The following MAN1A1 variants were observed in gnomAD, a reference collection of about 807,000 sequenced individuals.
MAN1A1 encodes the protein mannosidase alpha class 1A member 1.
In MAN1A1, 29 loss-of-function variants were observed where a neutral mutation model predicts 70.8. The observed-to-expected ratio is 0.41, with a 90% CI of 0.31 to 0.56. The LOEUF is 0.56. MAN1A1 is among the 20% of genes least tolerant of loss of function. The pLI is 0.29. For missense variants in MAN1A1, 747 were observed against 841.3 expected (o/e 0.89, Z 1.39); for synonymous variants, 349 against 330.1 (o/e 1.06, Z -0.62).
At chr6:119,213,764 C>T (rs1053064424) in intron 6 of MAN1A1, among the ~76,000 whole-genome samples, 6 of 152,124 alleles carry the variant, frequency 3.9e-5, no homozygotes, top group East Asian at 1.9e-4. Flanking sequence ...AATAAGGCAG[C>T]GACAAATCCA....
upstream of MAN1A1, among the ~76,000 whole-genome samples, chr6:119,350,002 G>A (rs1773864894): frequency 6.6e-6 from 1 of 152,128 alleles, no homozygotes; most frequent in Admixed American, 6.5e-5. Flanking sequence ...TGAGGAGGAC[G>A]GTCGAACCCG....
chr6:119,304,321 G>C (rs905740645), intron 3 of MAN1A1, among the ~76,000 whole-genome samples: 1 of 152,160 alleles, frequency 6.6e-6, no homozygotes, highest in African/African-American at 2.4e-5. Context: ...GATTCAGAGA[G>C]ACACTGGAGG....
chr6:119,196,328 A>T (rs963871380), intron 8 of MAN1A1, among the ~76,000 whole-genome samples: 1 of 148,290 alleles, frequency 6.7e-6, no homozygotes, highest in African/African-American at 2.5e-5. Context: ...TTCACATTAA[A>T]AAAAAAAAAA....
At chr6:119,257,107 T>C (rs903855495) in intron 5 of MAN1A1, among the ~76,000 whole-genome samples, 2 of 152,160 alleles carry the variant, frequency 1.3e-5, no homozygotes, top group Non-Finnish European at 1.5e-5. Flanking sequence ...GATGCAGGTA[T>C]GTACTTATTT....
At chr6:119,298,418 T>C (rs1231798451) in intron 4 of MAN1A1, among the ~76,000 whole-genome samples, 2 of 152,176 alleles carry the variant, frequency 1.3e-5, no homozygotes, top group Non-Finnish European at 2.9e-5. Context: ...TATAAACCAA[T>C]ACAAAACATT....
intron 2 of MAN1A1, among the ~76,000 whole-genome samples, chr6:119,338,086 T>C (rs1170162035): frequency 7.6e-6 from 1 of 131,272 alleles, no homozygotes; most frequent in African/African-American, 2.8e-5. Flanking sequence ...AAAAAAAAAG[T>C]CTCCAAAAAT....
chr6:119,300,728 A>G (rs887594002), intron 4 of MAN1A1, among the ~76,000 whole-genome samples: 83 of 152,236 alleles, frequency 5.5e-4, no homozygotes, highest in African/African-American at 2.0e-3. Context: ...TCATGTTTAA[A>G]ATAGAAGGGT....
intron 5 of MAN1A1, among the ~76,000 whole-genome samples, chr6:119,272,028 A>G (rs1775939137): frequency 6.6e-6 from 1 of 152,234 alleles, no homozygotes; most frequent in Non-Finnish European, 1.5e-5. Context: ...TCACATCTAT[A>G]GATTCCATGA....
chr6:119,210,768 T>C (rs1024071692), intron 6 of MAN1A1: 8 of 216,622 alleles, frequency 3.7e-5, no homozygotes, highest in Non-Finnish European at 3.9e-5. Flanking sequence ...AGCTGGAAGA[T>C]GTCAGTTTAA....
intron 10 of MAN1A1, among the ~76,000 whole-genome samples, chr6:119,189,314 T>C (rs1338545366): frequency 1.3e-5 from 2 of 152,170 alleles, no homozygotes; most frequent in Admixed American, 1.3e-4. Flanking sequence ...ATGATCTGTT[T>C]CATGGGGGAT....
At chr6:119,213,828 T>A (rs1233676905) in intron 6 of MAN1A1, among the ~76,000 whole-genome samples, 1 of 152,170 alleles carries the variant, frequency 6.6e-6, no homozygotes, top group Non-Finnish European at 1.5e-5. Context: ...GAAAACAAGG[T>A]TTATTACTCA....
chr6:119,222,547 A>T (rs1330452979), intron 6 of MAN1A1, among the ~76,000 whole-genome samples: 3 of 151,966 alleles, frequency 2.0e-5, no homozygotes, highest in African/African-American at 7.2e-5. Context: ...GGCTGGTCTC[A>T]AACTCCTGAG....
chr6:119,241,190 CTGTT>C (rs1388921654), intron 6 of MAN1A1, among the ~76,000 whole-genome samples: 5 of 152,142 alleles, frequency 3.3e-5, no homozygotes, highest in African/African-American at 7.2e-5. Context: ...CATGCAAACT[CTGTT>C]TGGGTAATTA....
chr6:119,211,035 G>A, intron 6 of MAN1A1: 2 of 377,396 alleles, frequency 5.3e-6, no homozygotes, highest in East Asian at 1.6e-4. Context: ...AGTTGGAATA[G>A]AAGCATAGTA....
At chr6:119,328,280 C>G (rs780228526) in intron 2 of MAN1A1, among the ~76,000 whole-genome samples, 9 of 152,208 alleles carry the variant, frequency 5.9e-5, no homozygotes, top group Non-Finnish European at 1.0e-4. Context: ...AAACTATTTC[C>G]TTAAGTAATC....
At chr6:119,261,807 A>T (rs983884548) in intron 5 of MAN1A1, among the ~76,000 whole-genome samples, 30 of 152,210 alleles carry the variant, frequency 2.0e-4, no homozygotes, top group African/African-American at 7.0e-4. Context: ...TTCTTCTGAG[A>T]CTGGCCAACA....
chr6:119,236,731 A>ATTTTGACT (rs1774856765), intron 6 of MAN1A1, among the ~76,000 whole-genome samples: 1 of 150,090 alleles, frequency 6.7e-6, no homozygotes, highest in African/African-American at 2.4e-5. Context: ...AAAAAAAGGA[A>ATTTTGACT]TTTTGACTTT....
chr6:119,195,567 T>C (rs1773546354), intron 8 of MAN1A1, among the ~76,000 whole-genome samples: 1 of 152,230 alleles, frequency 6.6e-6, no homozygotes, highest in African/African-American at 2.4e-5. Context: ...AATTTCATAA[T>C]GTGGTAACAT....
intron 6 of MAN1A1, among the ~76,000 whole-genome samples, chr6:119,220,360 A>G (rs1181802433): frequency 6.6e-6 from 1 of 152,204 alleles, no homozygotes; most frequent in Admixed American, 6.5e-5. Context: ...TACATTGATT[A>G]AATTTTAATT....
Sources: allele counts gnomAD v4.1 joint callset (sites outside exome capture counted in the v4.1 genomes callset), GRCh38; gene constraint gnomAD v4.1.1; transcripts MANE v1.5; gene names NCBI Gene and HGNC (gene_info 2026-07-23, HGNC 2026-07-21).